The following ARHGAP15 variants were observed in gnomAD, a reference collection of about 807,000 sequenced individuals.
The protein encoded by ARHGAP15 is rho GTPase-activating protein 15.
Under a neutral mutation model 63.7 loss-of-function variants are expected in ARHGAP15, and 51 were observed. The ratio of observed to expected loss-of-function variants is 0.80; its 90% confidence interval spans 0.64 to 1.01. The LOEUF is 1.01. Ranked by LOEUF, ARHGAP15 falls within the 50% of genes least tolerant of loss-of-function variation. ARHGAP15 has a pLI of 0.00. For synonymous variants in ARHGAP15, 191 were observed against 193.8 expected, an observed-to-expected ratio of 0.99 and a Z score of 0.12; for missense variants, 560 against 564.6, an observed-to-expected ratio of 0.99 and a Z score of 0.08.
At chr2:143,720,630 G>T (rs1685010439) in intron 13 of ARHGAP15, among the ~76,000 whole-genome samples, 1 of 152,126 alleles carries the variant, frequency 6.6e-6, no homozygotes, top group South Asian at 2.1e-4. Flanking sequence ...GGGGTCAAGT[G>T]GTGGACAATA....
intron 12 of ARHGAP15, among the ~76,000 whole-genome samples, chr2:143,632,331 C>A (rs1680081027): frequency 6.6e-6 from 1 of 151,758 alleles, no homozygotes; most frequent in South Asian, 2.1e-4. Context: ...ACCATATGAA[C>A]ATATATATTG....
intron 13 of ARHGAP15, among the ~76,000 whole-genome samples, chr2:143,720,514 C>T (rs1198191922): frequency 1.3e-5 from 2 of 152,110 alleles, no homozygotes; most frequent in African/African-American, 4.8e-5. Context: ...AAAGACTGCC[C>T]TCTATCGACG....
At chr2:143,156,789 A>G (rs1690098128) in intron 2 of ARHGAP15, among the ~76,000 whole-genome samples, 1 of 151,950 alleles carries the variant, frequency 6.6e-6, no homozygotes, top group South Asian at 2.1e-4. Flanking sequence ...TGAGATATGC[A>G]TTTTTCTTTA....
intron 6 of ARHGAP15, among the ~76,000 whole-genome samples, chr2:143,359,161 T>C (rs1437076244): frequency 2.0e-5 from 3 of 152,174 alleles, no homozygotes; most frequent in Admixed American, 6.5e-5. Context: ...AGGAACAAAA[T>C]TCCTTAGTTT....
At chr2:143,375,321 C>T (rs1337028675) in intron 6 of ARHGAP15, among the ~76,000 whole-genome samples, 2 of 152,312 alleles carry the variant, frequency 1.3e-5, no homozygotes, top group South Asian at 2.1e-4. Context: ...ACCTCTCATT[C>T]TGCCATTTCT....
intron 6 of ARHGAP15, among the ~76,000 whole-genome samples, chr2:143,330,116 A>ACAC (rs1684460872): frequency 1.2e-5 from 1 of 86,862 alleles, no homozygotes; most frequent in African/African-American, 4.4e-5. Flanking sequence ...AAAAAAAAAA[A>ACAC]AAAAAAAAAA....
chr2:143,661,676 C>T (rs1681787374), intron 12 of ARHGAP15, among the ~76,000 whole-genome samples: 1 of 152,162 alleles, frequency 6.6e-6, no homozygotes, highest in Non-Finnish European at 1.5e-5. Flanking sequence ...GTTCATCTCA[C>T]TAGGGAGTGC....
chr2:143,220,997 T>C (rs1215369485), intron 4 of ARHGAP15, among the ~76,000 whole-genome samples: 1 of 152,132 alleles, frequency 6.6e-6, no homozygotes, highest in Non-Finnish European at 1.5e-5. Flanking sequence ...ATATAGTTAG[T>C]ATCACAGAAT....
intron 13 of ARHGAP15, among the ~76,000 whole-genome samples, chr2:143,762,152 A>G (rs1686783326): frequency 2.0e-5 from 3 of 152,118 alleles, no homozygotes; most frequent in Admixed American, 1.3e-4. Context: ...GCTTAGAATC[A>G]GGTATCTTTG....
intron 8 of ARHGAP15, among the ~76,000 whole-genome samples, chr2:143,481,250 A>C (rs563312916): frequency 6.6e-6 from 1 of 152,074 alleles, no homozygotes; most frequent in Admixed American, 6.6e-5. Context: ...AAAACTATCT[A>C]CCTACACTGA....
intron 11 of ARHGAP15, among the ~76,000 whole-genome samples, chr2:143,568,165 C>G (rs2105112988): frequency 6.6e-6 from 1 of 152,244 alleles, no homozygotes; most frequent in East Asian, 1.9e-4. Context: ...CCAAAATTGA[C>G]AAATGGGATC....
At chr2:143,249,927 CACTT>C (rs751542912) in intron 5 of ARHGAP15, among the ~76,000 whole-genome samples, 7 of 152,044 alleles carry the variant, frequency 4.6e-5, no homozygotes, top group Non-Finnish European at 1.5e-5. Context: ...GCATAGTTGA[CACTT>C]AATAAATATG....
In ARHGAP15 at chr2:143,155,626, C is replaced by T. The variant is rs761905735; in HGVS notation, c.136C>T (p.Leu46Phe). The T allele has an allele frequency of 1.9e-6, 3 of 1,587,966 alleles. No individual in the cohort carries two copies. Among genetic ancestry groups the T allele is most frequent in the South Asian group, 1.2e-5 (1 of 86,400 alleles). Residue 46 changes from leucine (L) to phenylalanine (F), a missense_variant, in exon 2 of 14, where the codon CTC becomes TTC. By Grantham distance (22) the Leu-to-Phe change is conservative. Transcript: ENST00000295095. ...GCTCAGCCAAAGTAAATCCATGATC[C>T]TCACCGATGTCGGGAAGGTCACTGA... ...DRLSQSKSMI[L>F]TDVGKVTEPI...
At chr2:143,131,738 C>T (rs989357721) in intron 1 of ARHGAP15, among the ~76,000 whole-genome samples, 5 of 152,156 alleles carry the variant, frequency 3.3e-5, no homozygotes, top group African/African-American at 9.7e-5. Context: ...TTTCTCCCCC[C>T]AGTGGAATTT....
chr2:143,276,320 T>C (rs1385036580), intron 6 of ARHGAP15, among the ~76,000 whole-genome samples: 3 of 152,212 alleles, frequency 2.0e-5, no homozygotes, highest in Non-Finnish European at 4.4e-5. Flanking sequence ...TTACCAAATG[T>C]ATAGCTTGGT....
intron 8 of ARHGAP15, among the ~76,000 whole-genome samples, chr2:143,453,407 G>A (rs1283963648): frequency 6.6e-6 from 1 of 151,922 alleles, no homozygotes; most frequent in Non-Finnish European, 1.5e-5. Context: ...CTACCTCACA[G>A]AGTTGATTGG....
At chr2:143,195,772 A>G (rs567899577) in intron 2 of ARHGAP15, among the ~76,000 whole-genome samples, 1 of 152,270 alleles carries the variant, frequency 6.6e-6, no homozygotes, top group South Asian at 2.1e-4. Flanking sequence ...TTTTATTTCA[A>G]TTCTAAGCCA....
intron 6 of ARHGAP15, among the ~76,000 whole-genome samples, chr2:143,420,560 T>A (rs7600972): frequency 0.89 from 135,071 of 152,150 alleles, 60,371 homozygotes; most frequent in Middle Eastern, 0.97. Flanking sequence ...TAATTATCAT[T>A]GTGGTAAGTG....
intron 6 of ARHGAP15, among the ~76,000 whole-genome samples, chr2:143,344,614 A>G (rs1372889929): frequency 2.0e-5 from 3 of 152,122 alleles, no homozygotes; most frequent in African/African-American, 7.2e-5. Context: ...ATTATTTACA[A>G]ATTTATACTA....
Sources: allele counts gnomAD v4.1 joint callset (sites outside exome capture counted in the v4.1 genomes callset), GRCh38; gene constraint gnomAD v4.1.1; transcripts MANE v1.5; gene names NCBI Gene and HGNC (gene_info 2026-07-23, HGNC 2026-07-21).